Variants in RSPO3 observed in about 807,000 individuals in gnomAD.
RSPO3 encodes R-spondin-3.
Under a neutral mutation model 36.5 loss-of-function variants are expected in RSPO3, and 17 were observed. The observed-to-expected ratio is 0.47, with a 90% CI of 0.32 to 0.70. RSPO3 has a LOEUF of 0.70. RSPO3 is among the 30% of genes least tolerant of loss of function. RSPO3 has a pLI of 0.04. For missense variants in RSPO3, 294 were observed against 322.5 expected, an observed-to-expected ratio of 0.91 and a Z score of 0.68; for synonymous variants, 108 against 107.0, an observed-to-expected ratio of 1.01 and a Z score of -0.06.
intron 1 of RSPO3, among the ~76,000 whole-genome samples, chr6:127,120,190 A>C (rs192083737): frequency 6.6e-6 from 1 of 152,274 alleles, no homozygotes; most frequent in East Asian, 1.9e-4. Context: ...GGCAGCCTCA[A>C]CCTGGGTTGG....
At chr6:127,186,422 T>C (rs1025772556) in intron 4 of RSPO3, among the ~76,000 whole-genome samples, 1 of 152,132 alleles carries the variant, frequency 6.6e-6, no homozygotes, top group African/African-American at 2.4e-5. Flanking sequence ...ATAGAAACCA[T>C]TAATTTTGAG....
At chr6:127,146,631 G>A (rs1422426813) in intron 1 of RSPO3, among the ~76,000 whole-genome samples, 1 of 152,070 alleles carries the variant, frequency 6.6e-6, no homozygotes, top group Non-Finnish European at 1.5e-5. Context: ...TTAGAATTTT[G>A]TGTTTTCTTT....
intron 1 of RSPO3, among the ~76,000 whole-genome samples, chr6:127,130,174 CTCAA>C (rs1276387329): frequency 1.3e-5 from 2 of 152,086 alleles, no homozygotes; most frequent in Non-Finnish European, 2.9e-5. Context: ...TAGGAAAATA[CTCAA>C]GTAGCACAAA....
At chr6:127,187,950 CT>C (rs2114263127) in intron 4 of RSPO3, among the ~76,000 whole-genome samples, 2 of 152,212 alleles carry the variant, frequency 1.3e-5, no homozygotes, top group African/African-American at 4.8e-5. Context: ...ACTTTCTCCC[CT>C]GATCACTTTT....
chr6:127,190,423 C>A (rs1405840760), intron 4 of RSPO3, among the ~76,000 whole-genome samples: 1 of 151,902 alleles, frequency 6.6e-6, no homozygotes, highest in African/African-American at 2.4e-5. Context: ...AGCAAAACTC[C>A]GTCTCAAAAA....
chr6:127,124,573 T>G (rs1174095507), intron 1 of RSPO3, among the ~76,000 whole-genome samples: 1 of 147,472 alleles, frequency 6.8e-6, no homozygotes, highest in Non-Finnish European at 1.5e-5. Context: ...TTTTTTTTTT[T>G]GCTTGGCCTT....
chr6:127,155,462 G>C (rs1774576899), intron 4 of RSPO3, 24 bp downstream of exon 4: 3 of 1,600,224 alleles, frequency 1.9e-6, no homozygotes, highest in African/African-American at 2.7e-5. Context: ...AACAAAATGT[G>C]CTTGTTTGAA....
intron 4 of RSPO3, among the ~76,000 whole-genome samples, chr6:127,186,662 TTTAAAC>T (rs1775300958): frequency 6.6e-6 from 1 of 152,168 alleles, no homozygotes; most frequent in Admixed American, 6.6e-5. Context: ...TAGGCAGTAC[TTTAAAC>T]TTAGTCATTG....
chr6:127,132,154 G>T (rs1426025853), intron 1 of RSPO3, among the ~76,000 whole-genome samples: 3 of 151,826 alleles, frequency 2.0e-5, no homozygotes, highest in Admixed American at 1.3e-4. Context: ...AATTTTGCAG[G>T]ATTCATTCTG....
chr6:127,173,125 A>G (rs1278572188), intron 4 of RSPO3, among the ~76,000 whole-genome samples: 1 of 151,630 alleles, frequency 6.6e-6, no homozygotes, highest in African/African-American at 2.4e-5. Context: ...TGATATTATC[A>G]TTGTTGAAAA....
chr6:127,194,506 T>C (rs1218386293), intron 4 of RSPO3, among the ~76,000 whole-genome samples: 4 of 152,324 alleles, frequency 2.6e-5, no homozygotes, highest in African/African-American at 9.6e-5. Context: ...GACTACACTG[T>C]AGACTACATA....
intron 4 of RSPO3, among the ~76,000 whole-genome samples, chr6:127,177,382 G>T (rs1775077092): frequency 6.6e-6 from 1 of 151,882 alleles, no homozygotes; most frequent in African/African-American, 2.4e-5. Context: ...CAACAATGAG[G>T]TTCCTTCCTT....
At chr6:127,170,952 A>T (rs1774922621) in intron 4 of RSPO3, among the ~76,000 whole-genome samples, 1 of 151,788 alleles carries the variant, frequency 6.6e-6, no homozygotes, top group Admixed American at 6.6e-5. Context: ...CTGAAGATGG[A>T]TGCTGGTGAT....
chr6:127,179,633 G>T (rs2114629960), intron 4 of RSPO3, among the ~76,000 whole-genome samples: 1 of 151,946 alleles, frequency 6.6e-6, no homozygotes, highest in South Asian at 2.1e-4. Context: ...CAAAAACTTA[G>T]TGTCCTAAAT....
At position 127,150,283 on chromosome 6, in the gene RSPO3, A is replaced by T. The variant is rs1774465711; in HGVS notation, c.290-143A>T. On this transcript the variant is annotated intron_variant, in intron 2 of 4. Transcript: ENST00000356698. ...ACTAAATCACTGTGGAGGAATCGTGAATTCAGTCTGGCAAAATAATTTTGG... is the reference window on the plus strand; with the variant it reads ...ACTAAATCACTGTGGAGGAATCGTGTATTCAGTCTGGCAAAATAATTTTGG... The T allele has an allele frequency of 7.3e-6, 5 of 681,928 alleles. No individual in the cohort carries two copies. The East Asian group carries it at 1.4e-4, about 19-fold the overall frequency. The allele number at this position is 681,928 out of a possible 1,614,324, so 42.2% of individuals were successfully genotyped here.
rs1269165888 is a variant in RSPO3 at position 127,119,304 on chromosome 6, T to C, written c.97+15T>C. The C allele has an allele frequency of 6.3e-7, 1 of 1,595,894 alleles. No homozygotes were observed. The highest frequency in any genetic ancestry group is 8.6e-7 in the Non-Finnish European group (1 of 1,164,532). On this transcript the variant is annotated intron_variant, in intron 1 of 4. Transcript: ENST00000356698. ...CCAGCGAAGAAGTAAGTGCAGGGTT[T>C]TTTACGCGTTTGCTCCCTCCCGCCG...
chr6:127,185,463 G>A (rs184976524), intron 4 of RSPO3, among the ~76,000 whole-genome samples: 6 of 152,180 alleles, frequency 3.9e-5, no homozygotes, highest in African/African-American at 1.4e-4. Flanking sequence ...AGAAGAATGA[G>A]TAAGATCCTG....
At chr6:127,127,117 A>G (rs1773953555) in intron 1 of RSPO3, among the ~76,000 whole-genome samples, 1 of 152,104 alleles carries the variant, frequency 6.6e-6, no homozygotes. Context: ...TAAGTGGTAA[A>G]GCAGCCCCCA....
At position 127,197,159 on chromosome 6, in the gene RSPO3, A is replaced by G; in HGVS notation, c.*1152A>G. On this transcript the variant is annotated 3_prime_UTR_variant, in exon 5 of 5. Coordinates refer to ENST00000356698, the MANE Select transcript of RSPO3 (RefSeq NM_032784.5). ...ACCTGGTTCCTATGTAATTCAGAAT[A>G]TATTACATTTCTCAGTAATATTTGT... The G allele has an allele frequency of 8.2e-6, 3 of 365,776 alleles. No homozygotes were observed. The South Asian group carries it at 1.3e-4, about 16-fold the overall frequency. The allele number at this position is 365,776 out of a possible 1,614,324, so 22.7% of individuals were successfully genotyped here.
Sources: allele counts gnomAD v4.1 joint callset (sites outside exome capture counted in the v4.1 genomes callset), GRCh38; gene constraint gnomAD v4.1.1; transcripts MANE v1.5; gene names NCBI Gene and HGNC (gene_info 2026-07-23, HGNC 2026-07-21).